Variants in HLTF observed in about 807,000 individuals in gnomAD.
The protein encoded by HLTF is DNA-dependent ATPase/E3 ubiquitin-protein ligase HLTF.
A neutral mutation model predicts 129.4 loss-of-function variants in HLTF; 127 were observed. The ratio of observed to expected loss-of-function variants is 0.98; its 90% confidence interval spans 0.85 to 1.14. HLTF has a LOEUF of 1.14. HLTF is among the 50% of genes most tolerant of loss of function. The pLI is 0.00. For synonymous variants in HLTF, 332 were observed against 388.8 expected (o/e 0.85, Z 1.72); for missense variants, 1,139 against 1,187.1 (o/e 0.96, Z 0.60).
intron 23 of HLTF, 52 bp downstream of exon 23, chr3:149,038,996 TA>T (rs1227847818): frequency 1.8e-6 from 2 of 1,102,700 alleles, no homozygotes; most frequent in African/African-American, 3.2e-5. Flanking sequence ...TTTTTTGTCT[TA>T]TTTTTTTGAA....
intron 18 of HLTF, among the ~76,000 whole-genome samples, chr3:149,043,117 C>T (rs1389384748): frequency 6.7e-6 from 1 of 150,314 alleles, no homozygotes; most frequent in Non-Finnish European, 1.5e-5. Flanking sequence ...AATCTTAAAG[C>T]AAAGACAAAG....
intron 14 of HLTF, among the ~76,000 whole-genome samples, chr3:149,053,509 G>C (rs1351004007): frequency 6.6e-6 from 1 of 152,204 alleles, no homozygotes; most frequent in East Asian, 1.9e-4. Context: ...GGCCTCACCA[G>C]AAGCAGATGC....
chr3:149,033,690 C>G (rs1715330102), intron 24 of HLTF, among the ~76,000 whole-genome samples: 3 of 151,964 alleles, frequency 2.0e-5, no homozygotes, highest in Admixed American at 2.0e-4. Context: ...TGTGACAGAA[C>G]AAATCGTTCT....
rs552276505 is a variant in HLTF, at chr3:149,030,859, TGA to T, written c.*1359_*1360del. 2.8e-3 allele frequency: 424 copies of T among 152,302 alleles called. 2 individuals carry two copies. The highest frequency in any genetic ancestry group is 1.0e-2 in the African/African-American group (415 of 41,568). The allele number at this position is 152,302 out of a possible 1,614,324, so 9.4% of individuals were successfully genotyped here. On this transcript the variant is annotated 3_prime_UTR_variant, in exon 25 of 25. Transcript: ENST00000310053. ...CACAGGGAGAAAAGGACTTATCTGG[TGA>T]GAGATTTGGCATATACCTTCAATGT...
At position 149,067,445 on chromosome 3, in the gene HLTF, G is replaced by A. The variant is rs1490525303; in HGVS notation, c.990+795C>T. On this transcript the variant is annotated intron_variant, in intron 8 of 24. Coordinates refer to ENST00000310053, the MANE Select transcript of HLTF (RefSeq NM_003071.4). ...ATGGTTACATAATAGTAAGTTTTATGGCTATATCGTTTAACTGTTCCCTTG... is the reference window on the plus strand; with the variant it reads ...ATGGTTACATAATAGTAAGTTTTATAGCTATATCGTTTAACTGTTCCCTTG... Among the ~76,000 whole-genome samples, 9 of 152,120 alleles carry A rather than the reference G, an allele frequency of 5.9e-5. No homozygotes were observed. In the East Asian group the frequency reaches 1.4e-3, roughly 23 times the overall value.
chr3:149,049,184 C>T (rs1197650260), intron 15 of HLTF, among the ~76,000 whole-genome samples, 183 bp from the exon 16 acceptor site: 1 of 152,028 alleles, frequency 6.6e-6, no homozygotes, highest in Non-Finnish European at 1.5e-5. Flanking sequence ...ATTAGCACAC[C>T]TAATTTTACA....
intron 2 of HLTF, among the ~76,000 whole-genome samples, 184 bp from the exon 3 acceptor site, chr3:149,076,231 A>G: frequency 6.6e-6 from 1 of 152,240 alleles, no homozygotes; most frequent in East Asian, 1.9e-4. Flanking sequence ...CCTTAATATT[A>G]TTTTTCTAAT....
rs943120488 is a variant in HLTF at position 149,031,167 on chromosome 3, AAG to A, written c.*1051_*1052del. Reference sequence around the variant, plus strand: ...CTTATTAACAAAAAAGTAAAAAAAAAAGAAAAGAAAAAAGATGACTAATTCTA... The same window carrying A: ...CTTATTAACAAAAAAGTAAAAAAAAAAAAAGAAAAAAGATGACTAATTCTA... On this transcript the variant is annotated 3_prime_UTR_variant, in exon 25 of 25. Transcript: ENST00000310053. 5.6e-4 allele frequency: 85 copies of A among 152,630 alleles called. No homozygotes were observed. The highest frequency in any genetic ancestry group is 2.6e-4 in the Admixed American group (4 of 15,306). The allele number at this position is 152,630 out of a possible 1,614,324, so 9.5% of individuals were successfully genotyped here. A position where few individuals can be genotyped will look rare whatever the true frequency, so the allele number is the denominator to read the frequency against.
intron 18 of HLTF, among the ~76,000 whole-genome samples, chr3:149,043,735 T>TTA (rs2107972719): frequency 6.6e-6 from 1 of 152,262 alleles, no homozygotes; most frequent in African/African-American, 2.4e-5. Flanking sequence ...GTACAAATTT[T>TTA]TAGAGCTAGC....
Position 149,086,326 on chromosome 3 carries a change from A to T in HLTF, c.11T>A (p.Met4Lys), listed in dbSNP as rs1720419591. Residue 4 changes from methionine (M) to lysine (K), a missense_variant, in exon 1 of 25, where the codon ATG becomes AAG. Coordinates refer to ENST00000310053, the MANE Select transcript of HLTF (RefSeq NM_003071.4). MSWMFKRDPVWKYL... is the reference protein window; with the variant it reads MSWKFKRDPVWKYL... ...CCTCCGCCCCCTTCACCTCTTGAACATCCAGGACATGGCGCTGAGTGGGAT... is the reference window on the plus strand; with the variant it reads ...CCTCCGCCCCCTTCACCTCTTGAACTTCCAGGACATGGCGCTGAGTGGGAT... 1 of 1,601,640 alleles carries T rather than the reference A, an allele frequency of 6.2e-7. No individual in the cohort carries two copies. The highest frequency in any genetic ancestry group is 2.3e-5 in the East Asian group (1 of 44,404).
chr3:149,038,020 C>A (rs1715798603), intron 23 of HLTF, among the ~76,000 whole-genome samples: 1 of 152,220 alleles, frequency 6.6e-6, no homozygotes, highest in South Asian at 2.1e-4. Flanking sequence ...AAAACGTACT[C>A]AGAACATTCC....
At chr3:149,058,235 C>T (rs2108011354) in intron 13 of HLTF, among the ~76,000 whole-genome samples, 1 of 152,206 alleles carries the variant, frequency 6.6e-6, no homozygotes, top group East Asian at 1.9e-4. Flanking sequence ...CCATGCCTGG[C>T]TAATTTTGTG....
chr3:149,068,569 G>T (rs1157799775), intron 7 of HLTF, among the ~76,000 whole-genome samples: 2 of 152,148 alleles, frequency 1.3e-5, no homozygotes, highest in Non-Finnish European at 2.9e-5. Context: ...GTATCTCTGA[G>T]AAGTGTCATT....
intron 18 of HLTF, among the ~76,000 whole-genome samples, chr3:149,044,083 C>T (rs911129043): frequency 6.6e-6 from 1 of 152,124 alleles, no homozygotes; most frequent in Admixed American, 6.6e-5. Flanking sequence ...TGTCCTGTCA[C>T]TCACTAGCTG....
Position 149,084,858 on chromosome 3 carries a change from G to A in HLTF, c.52C>T (p.Gln18Ter). 6.2e-7 allele frequency: 1 copy of A among 1,613,854 alleles called. No individual in the cohort carries two copies. The highest frequency in any genetic ancestry group is 8.5e-7 in the Non-Finnish European group (1 of 1,179,840). Residue 18 changes from glutamine to a stop codon, truncating the protein, a stop_gained, in exon 2 of 25, where the codon CAG becomes TAG. Transcript: ENST00000310053. LOFTEE classifies it high-confidence loss of function. ...GGAAAATTTCCATGAACTCCATACT[G>A]GACAGTCTGCAAGTACTTCCAAACT... ...DPVWKYLQTV[Q>*]YGVHGNFPRL...
chr3:149,047,908 T>C, intron 17 of HLTF, 120 bp downstream of exon 17: 1 of 750,568 alleles, frequency 1.3e-6, no homozygotes, highest in Non-Finnish European at 2.1e-6. Context: ...TACTGAGCCA[T>C]AAACACTTTT....
intron 5 of HLTF, among the ~76,000 whole-genome samples, chr3:149,072,305 A>T (rs1718944170): frequency 6.6e-6 from 1 of 152,216 alleles, no homozygotes; most frequent in Non-Finnish European, 1.5e-5. Flanking sequence ...TTATTCCTAT[A>T]AAATGAAAGG....
Position 149,030,386 on chromosome 3 carries a change from CAA to C in HLTF, c.*1832_*1833del, listed in dbSNP as rs1044754421. 5.3e-5 allele frequency: 8 copies of C among 151,864 alleles called. No individual in the cohort carries two copies. Among genetic ancestry groups the C allele is most frequent in the South Asian group, 2.1e-4 (1 of 4,810 alleles). 9.4% of individuals were successfully genotyped at this position (151,864 alleles called of 1,614,324 possible). On this transcript the variant is annotated 3_prime_UTR_variant, in exon 25 of 25. Transcript: ENST00000310053. ...CAACATCTAACAGAACTGTACAAAA[CAA>C]AGAGACATTTTTTAAACAACTTGCC...
chr3:149,081,480 T>C (rs1219235654), intron 2 of HLTF, among the ~76,000 whole-genome samples: 7 of 151,800 alleles, frequency 4.6e-5, no homozygotes, highest in African/African-American at 1.7e-4. Flanking sequence ...AAAAACCGAA[T>C]GTAAGAGTAA....
Sources: gnomAD v4.1 joint callset for allele counts (sites outside exome capture counted in the v4.1 genomes callset) on GRCh38, gnomAD v4.1.1 for gene constraint, MANE v1.5 for transcripts, NCBI Gene and HGNC (gene_info 2026-07-23, HGNC 2026-07-21) for gene names.